The following PLS3 variants were observed in gnomAD, a reference collection of about 807,000 sequenced individuals.
PLS3 encodes the protein plastin-3.
In PLS3, 11 loss-of-function variants were observed where a neutral mutation model predicts 46.5. The observed-to-expected ratio is 0.24, with a 90% CI of 0.15 to 0.39. The LOEUF (loss-of-function observed/expected upper bound fraction) is 0.39. PLS3 is among the 10% of genes least tolerant of loss of function. The probability of loss-of-function intolerance (pLI) is 1.00; values close to 1 mark genes in which losing one functional copy is unlikely to be tolerated. For missense variants in PLS3, 308 were observed against 461.8 expected, an observed-to-expected ratio of 0.67 and a Z score of 3.05; for synonymous variants, 167 against 162.2, an observed-to-expected ratio of 1.03 and a Z score of -0.22.
chrX:115,616,248 T>G (rs912750438), intron 2 of PLS3, among the ~76,000 whole-genome samples: 11 of 112,369 alleles, frequency 9.8e-5, no homozygotes, highest in African/African-American at 3.5e-4. Context: ...CATAGTCTTA[T>G]GATTTCAAAA....
intron 1 of PLS3, among the ~76,000 whole-genome samples, chrX:115,591,063 C>T (rs782526061): frequency 0.012 from 1,313 of 109,825 alleles, 12 homozygotes; most frequent in Non-Finnish European, 0.017. Flanking sequence ...GGCATGAACC[C>T]GGGAGGTGGA....
chrX:115,565,480 T>A (rs2074166487), intron 1 of PLS3, among the ~76,000 whole-genome samples: 1 of 111,635 alleles, frequency 9.0e-6, no homozygotes, highest in Non-Finnish European at 1.9e-5. Context: ...CATTGACTCA[T>A]AATTTGACCT....
At chrX:115,637,094 C>A in intron 8 of PLS3, 116 bp downstream of exon 8, 1 of 695,910 alleles carries the variant, frequency 1.4e-6, no homozygotes, top group South Asian at 3.5e-5. Flanking sequence ...TGTCTCTTGG[C>A]CCTGAAGGTA....
At chrX:115,565,054 T>C (rs1556629971) in intron 1 of PLS3, among the ~76,000 whole-genome samples, 1 of 111,968 alleles carries the variant, frequency 8.9e-6, no homozygotes, top group African/African-American at 3.2e-5. Context: ...TCAAAGCTTT[T>C]TGGATACATT....
intron 2 of PLS3, among the ~76,000 whole-genome samples, chrX:115,617,124 G>T (rs186055439): frequency 1.8e-5 from 2 of 111,758 alleles, no homozygotes; most frequent in African/African-American, 6.5e-5. Context: ...AGCCCAGTGG[G>T]TGTCTTCCCA....
At chrX:115,629,370 G>A (rs782644780) in intron 4 of PLS3, 43 bp downstream of exon 4, 1 of 1,099,585 alleles carries the variant, frequency 9.1e-7, no homozygotes, top group East Asian at 3.1e-5. Context: ...TGTGCTAAGT[G>A]GGATGGTTGC....
intron 1 of PLS3, 69 bp from the exon 2 acceptor site, chrX:115,610,174 G>T: frequency 2.1e-6 from 1 of 483,655 alleles, no homozygotes; most frequent in Non-Finnish European, 3.5e-6. Context: ...CCTAAGATGA[G>T]AACTTAGCAA....
At chrX:115,635,219 A>T (rs1180664982) in intron 7 of PLS3, among the ~76,000 whole-genome samples, 173 bp downstream of exon 7, 1 of 111,828 alleles carries the variant, frequency 8.9e-6, no homozygotes, top group Non-Finnish European at 1.9e-5. Context: ...TCTCTTCTTT[A>T]CTAGTAATTC....
intron 1 of PLS3, among the ~76,000 whole-genome samples, chrX:115,567,233 A>G (rs782817977): frequency 5.4e-5 from 6 of 111,494 alleles, no homozygotes; most frequent in Non-Finnish European, 9.4e-5. Flanking sequence ...CTAAAGGAGG[A>G]CAACACGCAG....
rs2147598607 is a variant in PLS3, at chrX:115,650,858, A to T, written c.*1297A>T. The T allele has an allele frequency of 8.9e-6, 1 of 111,995 alleles. No homozygotes were observed. Among genetic ancestry groups the T allele is most frequent in the Non-Finnish European group, 1.9e-5 (1 of 53,220 alleles). The allele number at this position is 111,995 out of a possible 1,213,427, so 9.2% of individuals were successfully genotyped here. A position where few individuals can be genotyped will look rare whatever the true frequency, so the allele number is the denominator to read the frequency against. On this transcript the variant is annotated 3_prime_UTR_variant, in exon 16 of 16. Transcript: ENST00000355899. Reference sequence around the variant, plus strand: ...GTAAAAAGGTTTTCTCCAATTTACCAAAATTTCTTTATCCAGTTCCTGCTT... The same window carrying T: ...GTAAAAAGGTTTTCTCCAATTTACCTAAATTTCTTTATCCAGTTCCTGCTT...
At chrX:115,574,216 GT>G (rs1556630970) in intron 1 of PLS3, among the ~76,000 whole-genome samples, 1 of 111,667 alleles carries the variant, frequency 9.0e-6, no homozygotes, top group African/African-American at 3.3e-5. Flanking sequence ...CATTTTCCTA[GT>G]TCCTTTCACA....
intron 2 of PLS3, chrX:115,610,711 C>A (rs1556635997): frequency 5.8e-6 from 2 of 342,633 alleles, no homozygotes; most frequent in Admixed American, 1.2e-4. Flanking sequence ...GATATGTGAC[C>A]CTCGAAAACA....
intron 5 of PLS3, among the ~76,000 whole-genome samples, chrX:115,631,744 A>G (rs1253665604): frequency 9.0e-6 from 1 of 110,659 alleles, no homozygotes; most frequent in Non-Finnish European, 1.9e-5. Context: ...AAGAATATAT[A>G]TATATACATT....
At chrX:115,573,086 TC>T (rs1212429861) in intron 1 of PLS3, among the ~76,000 whole-genome samples, 9 of 74,320 alleles carry the variant, frequency 1.2e-4, no homozygotes, top group Non-Finnish European at 2.1e-4. Context: ...AGAGTGAGAC[TC>T]CGTCTCAAAA....
chrX:115,586,700 T>C (rs1238226447), intron 1 of PLS3, among the ~76,000 whole-genome samples: 1 of 107,074 alleles, frequency 9.3e-6, no homozygotes, highest in Non-Finnish European at 1.9e-5. Context: ...AAAAAGTTTC[T>C]AAACAACATT....
Position 115,585,296 on chromosome X carries a change from T to C in PLS3, c.-9+24036T>C, listed in dbSNP as rs782684791. On this transcript the variant is annotated intron_variant, in intron 1 of 15. Coordinates refer to ENST00000355899, the MANE Select transcript of PLS3 (RefSeq NM_005032.7). ...AGAATATATGCTTAATCGGTATTTA[T>C]CTATTGAACAAATATGAGCCATGAA... Among the ~76,000 whole-genome samples, 8 of 112,372 alleles carry C rather than the reference T, an allele frequency of 7.1e-5. No homozygotes were observed. The East Asian group carries it at 2.2e-3, about 31-fold the overall frequency.
At chrX:115,647,380 CA>C (rs377418632) in intron 13 of PLS3, among the ~76,000 whole-genome samples, 169 bp from the exon 14 acceptor site, 2 of 112,078 alleles carry the variant, frequency 1.8e-5, no homozygotes, top group African/African-American at 6.5e-5. Context: ...TTGCAGTGAG[CA>C]GGAGATTGCG....
intron 1 of PLS3, among the ~76,000 whole-genome samples, chrX:115,608,734 A>G (rs2074518649): frequency 8.9e-6 from 1 of 112,238 alleles, no homozygotes; most frequent in South Asian, 3.7e-4. Context: ...CCTAAGAGGA[A>G]TAGGCCATAC....
At chrX:115,626,394 C>T (rs781792946) in intron 3 of PLS3, among the ~76,000 whole-genome samples, 1 of 109,162 alleles carries the variant, frequency 9.2e-6, no homozygotes, top group Non-Finnish European at 1.9e-5. Context: ...AAGGGATTCT[C>T]CTGCCTCAGT....
Sources: allele counts gnomAD v4.1 joint callset (sites outside exome capture counted in the v4.1 genomes callset), GRCh38; gene constraint gnomAD v4.1.1; transcripts MANE v1.5; gene names NCBI Gene and HGNC (gene_info 2026-07-23, HGNC 2026-07-21).